Variants in ART3 observed in about 807,000 individuals in gnomAD.
The protein encoded by ART3 is ADP-ribosyltransferase 3 (inactive).
ART3 carries 49 observed loss-of-function variants against 48.5 expected under a neutral mutation model. The observed-to-expected ratio is 1.01, with a 90% confidence interval of 0.80 to 1.28. ART3 has a LOEUF of 1.28. Ranked by LOEUF, ART3 falls within the 50% of genes most tolerant of loss-of-function variation. The pLI, the probability that ART3 is intolerant of heterozygous loss-of-function variation, is 0.00. For synonymous variants in ART3, 145 were observed against 157.2 expected (o/e 0.92, Z 0.58); for missense variants, 438 against 454.3 (o/e 0.96, Z 0.33).
At chr4:76,054,195 G>T (rs1718455109) in intron 1 of ART3, among the ~76,000 whole-genome samples, 1 of 152,180 alleles carries the variant, frequency 6.6e-6, no homozygotes, top group South Asian at 2.1e-4. Flanking sequence ...GGGCTAGTTG[G>T]AAAGAGAATA....
chr4:76,075,912 T>TA lies in ART3; in HGVS notation c.24dup (p.Val9SerfsTer19). 4.3e-6 allele frequency: 7 copies of TA among 1,613,162 alleles called. No individual in the cohort carries two copies. Among genetic ancestry groups the TA allele is most frequent in the Non-Finnish European group, 5.9e-6 (7 of 1,179,558 alleles). Reference sequence around the variant, plus strand: ...AAAATGAAGACGGGACATTTTGAAATAGTCACCATGCTGCTGGCAACCATG... The same window carrying TA: ...AAAATGAAGACGGGACATTTTGAAATAAGTCACCATGCTGCTGGCAACCATG... On this transcript the variant is annotated frameshift_variant, in exon 2 of 12. Transcript: ENST00000355810. LOFTEE classifies it high-confidence loss of function.
intron 8 of ART3, among the ~76,000 whole-genome samples, chr4:76,103,329 C>G (rs115944489): frequency 0.03 from 4,614 of 151,976 alleles, 198 homozygotes; most frequent in African/African-American, 0.094. Context: ...TGTACCCCAC[C>G]ACAGCCTGAG....
chr4:76,067,224 T>C (rs922073793), intron 1 of ART3, among the ~76,000 whole-genome samples: 1 of 152,260 alleles, frequency 6.6e-6, no homozygotes, highest in African/African-American at 2.4e-5. Context: ...TCTCCAGTTT[T>C]CTAAAATCAA....
At chr4:76,104,033 T>C (rs1296179554) in intron 9 of ART3, 64 bp downstream of exon 9, 1 of 1,491,444 alleles carries the variant, frequency 6.7e-7, no homozygotes, top group Middle Eastern at 1.7e-4. Context: ...CCCAGGCATT[T>C]AAGAGAATAC....
chr4:76,082,956 A>G (rs1225744981), intron 3 of ART3, among the ~76,000 whole-genome samples: 2 of 130,180 alleles, frequency 1.5e-5, no homozygotes, highest in African/African-American at 2.8e-5. Context: ...TGATGTTGAG[A>G]GACCCTACTA....
intron 1 of ART3, among the ~76,000 whole-genome samples, chr4:76,030,823 A>G (rs909061244): frequency 6.6e-6 from 1 of 152,084 alleles, no homozygotes; most frequent in Non-Finnish European, 1.5e-5. Context: ...ATTCCTTTTT[A>G]TGGCCGAATA....
intron 1 of ART3, among the ~76,000 whole-genome samples, chr4:76,044,263 C>T (rs535297736): frequency 2.0e-4 from 30 of 152,056 alleles, no homozygotes; most frequent in African/African-American, 5.3e-4. Flanking sequence ...TTCCTGTAAA[C>T]GCCGGGCGGC....
upstream of ART3, among the ~76,000 whole-genome samples, chr4:76,072,392 A>G (rs962710462): frequency 2.6e-5 from 4 of 152,168 alleles, no homozygotes; most frequent in Non-Finnish European, 1.5e-5. Flanking sequence ...CTAACAACCA[A>G]AGAAACAACA....
intron 3 of ART3, among the ~76,000 whole-genome samples, chr4:76,090,761 T>C (rs1389031706): frequency 6.6e-6 from 1 of 152,208 alleles, no homozygotes; most frequent in African/African-American, 2.4e-5. Flanking sequence ...ATAATTGATA[T>C]GCAATAAACT....
chr4:76,045,786 C>T lies in ART3; in HGVS notation c.-9-30095C>T, dbSNP rs920095685. Among the ~76,000 whole-genome samples, 28 of 151,914 alleles carry T rather than the reference C, an allele frequency of 1.8e-4. 2 individuals are homozygous for T. The highest frequency in any genetic ancestry group is 4.0e-4 in the Non-Finnish European group (27 of 67,914). Reference sequence around the variant, plus strand: ...TTGATTAGAGTATAGAGGGGCCTGGCTATCTTGCTGTATCTGGAGATCCAT... The same window carrying T: ...TTGATTAGAGTATAGAGGGGCCTGGTTATCTTGCTGTATCTGGAGATCCAT... On this transcript the variant is annotated intron_variant, in intron 1 of 9. Transcript: ENST00000341029.
chr4:76,099,183 T>C (rs1185333946), intron 5 of ART3, 196 bp downstream of exon 5: 1 of 528,412 alleles, frequency 1.9e-6, no homozygotes, highest in Middle Eastern at 5.3e-4. Context: ...GCACCTGTAG[T>C]CCCAGCTACT....
intron 1 of ART3, among the ~76,000 whole-genome samples, chr4:76,047,242 A>G (rs191114433): frequency 3.4e-4 from 52 of 152,058 alleles, no homozygotes; most frequent in Admixed American, 9.8e-4. Flanking sequence ...TCTCTGAACC[A>G]CCAAGGCTTG....
intron 1 of ART3, among the ~76,000 whole-genome samples, chr4:76,044,624 T>G (rs547315084): frequency 6.6e-6 from 1 of 151,710 alleles, no homozygotes; most frequent in African/African-American, 2.4e-5. Context: ...TCTTTTTAAC[T>G]CTCTCTTTGA....
intron 11 of ART3, 75 bp from the exon 12 acceptor site, chr4:76,112,311 C>T (rs991898155): frequency 5.6e-5 from 83 of 1,486,698 alleles, no homozygotes; most frequent in Middle Eastern, 1.8e-4. Context: ...TTTACATATT[C>T]AGGATATATT....
chr4:76,101,657 C>T (rs1207899091), intron 8 of ART3, among the ~76,000 whole-genome samples: 1 of 152,070 alleles, frequency 6.6e-6, no homozygotes, highest in Non-Finnish European at 1.5e-5. Context: ...GAGGCTGAGT[C>T]AGGAGAATCA....
chr4:76,065,746 A>G (rs1560607499), intron 1 of ART3, among the ~76,000 whole-genome samples: 1 of 151,164 alleles, frequency 6.6e-6, no homozygotes, highest in Non-Finnish European at 1.5e-5. Context: ...ACATATATGA[A>G]TATGTTGTAT....
In ART3 at chr4:76,112,757, G is replaced by T; in HGVS notation, c.*238G>T. 5.7e-6 allele frequency: 2 copies of T among 353,802 alleles called. No individual in the cohort carries two copies. The highest frequency in any genetic ancestry group is 5.1e-5 in the East Asian group (1 of 19,494). 21.9% of individuals were successfully genotyped at this position (353,802 alleles called of 1,614,324 possible). ...AAAATCCCGAAAACTGTATACTTCT[G>T]ATTAAATTCAATAAAAGATTTTGAT... On this transcript the variant is annotated 3_prime_UTR_variant, in exon 12 of 12. Coordinates refer to ENST00000355810, the MANE Select transcript of ART3 (RefSeq NM_001130016.3).
chr4:76,112,371 T>C lies in ART3; in HGVS notation c.1037-15T>C. The C allele has an allele frequency of 6.2e-7, 1 of 1,611,386 alleles. No homozygotes were observed. On this transcript the variant is annotated splice_polypyrimidine_tract_variant and intron_variant, in intron 11 of 11. Transcript: ENST00000355810. ...AAAAAATGATGTGTCAGTGACTGTG[T>C]ATTCTTGTTAACAGCTCCAGGTCCA... is the stretch of plus-strand genomic sequence containing the variant.
chr4:76,061,043 G>A (rs1719165894), intron 1 of ART3, among the ~76,000 whole-genome samples: 1 of 152,192 alleles, frequency 6.6e-6, no homozygotes, highest in Non-Finnish European at 1.5e-5. Flanking sequence ...TAAGAAATGT[G>A]TATTATTTTA....
Sources: allele counts gnomAD v4.1 joint callset (sites outside exome capture counted in the v4.1 genomes callset), GRCh38; gene constraint gnomAD v4.1.1; transcripts MANE v1.5; gene names NCBI Gene and HGNC (gene_info 2026-07-23, HGNC 2026-07-21).